EYA4: variants seen among roughly 807,000 people sequenced by gnomAD.
The protein encoded by EYA4 is protein phosphatase EYA4.
A neutral mutation model predicts 87.9 loss-of-function variants in EYA4; 31 were observed. The observed-to-expected ratio is 0.35, with a 90% CI of 0.27 to 0.48. EYA4 has a LOEUF of 0.48. EYA4 is among the 20% of genes least tolerant of loss of function. The probability of loss-of-function intolerance (pLI) is 0.99; values close to 1 mark genes in which losing one functional copy is unlikely to be tolerated. For missense variants in EYA4, 678 were observed against 761.4 expected, an observed-to-expected ratio of 0.89 and a Z score of 1.29; for synonymous variants, 263 against 270.6, an observed-to-expected ratio of 0.97 and a Z score of 0.28.
chr6:133,529,122 G>T lies in EYA4; in HGVS notation c.*317G>T. ...AAAGAACTCTTACCCTGGCAAAGCA[G>T]CAACACACATGCTCCGTCTGACAAG... On this transcript the variant is annotated 3_prime_UTR_variant, in exon 20 of 20. Transcript: ENST00000355286. The T allele has an allele frequency of 8.4e-7, 1 of 1,197,152 alleles. No individual in the cohort carries two copies. The highest frequency in any genetic ancestry group is 1.1e-6 in the Non-Finnish European group (1 of 950,026). The allele number at this position is 1,197,152 out of a possible 1,614,324, so 74.2% of individuals were successfully genotyped here.
intron 2 of EYA4, among the ~76,000 whole-genome samples, chr6:133,302,021 A>T (rs750209849): frequency 6.6e-5 from 10 of 152,248 alleles, no homozygotes; most frequent in Middle Eastern, 6.8e-3. Context: ...AGAAAGGGAG[A>T]AGGGTATTCC....
intron 11 of EYA4, among the ~76,000 whole-genome samples, chr6:133,472,743 G>A (rs1037127164): frequency 9.5e-6 from 1 of 105,818 alleles, no homozygotes; most frequent in East Asian, 2.7e-4. Context: ...CTCTTTGTAG[G>A]TCACTGAGGA....
At chr6:133,464,682 A>C in intron 9 of EYA4, 97 bp from the exon 10 acceptor site, 1 of 821,322 alleles carries the variant, frequency 1.2e-6, no homozygotes, top group Non-Finnish European at 2.0e-6. Context: ...TTCACGACAA[A>C]TTTCAAAGTG....
chr6:133,473,794 GGTGAGGTCA>G (rs933379562), intron 11 of EYA4, among the ~76,000 whole-genome samples: 1 of 151,866 alleles, frequency 6.6e-6, no homozygotes, highest in African/African-American at 2.4e-5. Flanking sequence ...CCAGGATTAG[GGTGAGGTCA>G]GTGAAGCACC....
intron 1 of EYA4, among the ~76,000 whole-genome samples, chr6:133,251,357 A>C (rs1351941148): frequency 6.6e-6 from 1 of 152,208 alleles, no homozygotes; most frequent in Non-Finnish European, 1.5e-5. Flanking sequence ...GTAGCTTTAC[A>C]TATTGCTATG....
At chr6:133,342,605 AATTCTT>A (rs1782886123) in intron 2 of EYA4, among the ~76,000 whole-genome samples, 5 of 130,430 alleles carry the variant, frequency 3.8e-5, no homozygotes, top group Non-Finnish European at 6.3e-5. Context: ...ATATATATAT[AATTCTT>A]TATATTTCTC....
intron 13 of EYA4, among the ~76,000 whole-genome samples, chr6:133,503,926 T>G (rs145938373): frequency 6.8e-4 from 104 of 152,220 alleles, no homozygotes; most frequent in African/African-American, 2.2e-3. Context: ...ATTAATATTT[T>G]TTTTCTTTTG....
intron 2 of EYA4, among the ~76,000 whole-genome samples, chr6:133,287,629 G>A (rs1048724077): frequency 1.4e-5 from 2 of 145,820 alleles, no homozygotes; most frequent in East Asian, 4.8e-4. Flanking sequence ...AAAAGACAGA[G>A]ATGTATAAGA....
At chr6:133,274,143 A>G (rs1317726926) in intron 1 of EYA4, among the ~76,000 whole-genome samples, 2 of 152,182 alleles carry the variant, frequency 1.3e-5, no homozygotes, top group African/African-American at 4.8e-5. Context: ...ATCTCACCAT[A>G]GTGTATTACT....
intron 13 of EYA4, among the ~76,000 whole-genome samples, chr6:133,486,004 C>A (rs1796654239): frequency 6.6e-6 from 1 of 152,272 alleles, no homozygotes; most frequent in South Asian, 2.1e-4. Context: ...CTGACTCTGG[C>A]AAATTACTTA....
At chr6:133,519,366 C>G (rs1238947021) in intron 17 of EYA4, among the ~76,000 whole-genome samples, 1 of 151,950 alleles carries the variant, frequency 6.6e-6, no homozygotes, top group African/African-American at 2.4e-5. Context: ...ACTACAAACA[C>G]CTCTACGCAA....
chr6:133,483,441 A>T (rs1434349076), intron 13 of EYA4, among the ~76,000 whole-genome samples: 1 of 151,922 alleles, frequency 6.6e-6, no homozygotes, highest in Non-Finnish European at 1.5e-5. Flanking sequence ...ATCATATATT[A>T]TCCCCAATAA....
At position 133,270,674 on chromosome 6, in the gene EYA4, G is replaced by A. The variant is rs148489489; in HGVS notation, c.-65-4042G>A. Among the ~76,000 whole-genome samples the A allele has an allele frequency of 2.7e-4, 41 of 152,146 alleles. No homozygotes were observed. In the East Asian group the frequency reaches 3.3e-3, roughly 12 times the overall value. On this transcript the variant is annotated intron_variant, in intron 1 of 19. Transcript: ENST00000355286. ...TGGAGTGACCCAAACCTTCATTCCT[G>A]GGGGATCTGGGCCATTTCTAGTCCT...
intron 10 of EYA4, 53 bp from the exon 11 acceptor site, chr6:133,468,513 G>T (rs1438220114): frequency 2.0e-5 from 28 of 1,390,632 alleles, no homozygotes; most frequent in Non-Finnish European, 2.9e-5. Flanking sequence ...TCTTGGGAGA[G>T]TATTAAAGAG....
At chr6:133,520,022 A>C (rs1005961654) in intron 17 of EYA4, among the ~76,000 whole-genome samples, 1 of 152,072 alleles carries the variant, frequency 6.6e-6, no homozygotes, top group African/African-American at 2.4e-5. Context: ...ACCCACAGCC[A>C]ATATCATACT....
At chr6:133,519,056 A>G (rs1474360081) in intron 17 of EYA4, among the ~76,000 whole-genome samples, 1 of 151,696 alleles carries the variant, frequency 6.6e-6, no homozygotes, top group Admixed American at 6.6e-5. Context: ...AAAGATCCAA[A>G]ATTGACACCC....
chr6:133,458,612 T>A (rs1794110988), intron 6 of EYA4, among the ~76,000 whole-genome samples: 1 of 152,080 alleles, frequency 6.6e-6, no homozygotes, highest in Non-Finnish European at 1.5e-5. Flanking sequence ...TATCCCAGAA[T>A]GCCAGCAGCA....
At chr6:133,276,844 AC>A (rs1402064297) in intron 2 of EYA4, among the ~76,000 whole-genome samples, 1 of 151,886 alleles carries the variant, frequency 6.6e-6, no homozygotes, top group Non-Finnish European at 1.5e-5. Context: ...TCTCTCCATA[AC>A]ATCGACGTGC....
intron 19 of EYA4, chr6:133,525,914 TCTC>T (rs1800598717): frequency 4.0e-5 from 39 of 985,240 alleles, no homozygotes; most frequent in Non-Finnish European, 4.7e-5. Flanking sequence ...GTGCCTCACA[TCTC>T]CTAGAAGAGT....
Sources: gnomAD v4.1 joint callset for allele counts (sites outside exome capture counted in the v4.1 genomes callset) on GRCh38, gnomAD v4.1.1 for gene constraint, MANE v1.5 for transcripts, NCBI Gene and HGNC (gene_info 2026-07-23, HGNC 2026-07-21) for gene names.